The following MED25 variants were observed in gnomAD, a reference collection of about 807,000 sequenced individuals.
The protein encoded by MED25 is mediator complex subunit 25, also known as mediator of RNA polymerase II transcription subunit 25.
A neutral mutation model predicts 89.4 loss-of-function variants in MED25; 62 were observed. That is an observed-to-expected ratio of 0.69 (90% CI 0.57 to 0.86). The LOEUF (loss-of-function observed/expected upper bound fraction) is 0.86, where lower values mean the gene tolerates loss of function less well. MED25 is among the 40% of genes least tolerant of loss of function. The pLI, the probability that MED25 is intolerant of heterozygous loss-of-function variation, is 0.00. For missense variants in MED25, 905 were observed against 1,005.2 expected, an observed-to-expected ratio of 0.90 and a Z score of 1.35; for synonymous variants, 449 against 427.9, an observed-to-expected ratio of 1.05 and a Z score of -0.61.
At chr19:49,822,882 T>C (rs564357203) in intron 3 of MED25, among the ~76,000 whole-genome samples, 2 of 152,028 alleles carry the variant, frequency 1.3e-5, no homozygotes, top group Admixed American at 6.6e-5. Flanking sequence ...CTCCTGACCT[T>C]GTGATCCACC....
chr19:49,828,618 T>C (rs2074031614), intron 4 of MED25, 71 bp downstream of exon 4: 2 of 1,257,118 alleles, frequency 1.6e-6, no homozygotes, highest in Admixed American at 3.4e-5. Flanking sequence ...GCCTGTCGAG[T>C]GGTTCTACCT....
intron 2 of MED25, 134 bp from the exon 3 acceptor site, chr19:49,819,038 G>T (rs1450398529): frequency 8.9e-7 from 1 of 1,124,864 alleles, no homozygotes; most frequent in Non-Finnish European, 1.3e-6. Context: ...GGCCGAGATT[G>T]CTGGGTCTGA....
At chr19:49,826,326 C>T (rs1482324303) in intron 3 of MED25, among the ~76,000 whole-genome samples, 9 of 152,154 alleles carry the variant, frequency 5.9e-5, no homozygotes, top group East Asian at 1.9e-4. Context: ...GGAGACAGAG[C>T]GAGACTCCGT....
chr19:49,832,233 C>T, intron 12 of MED25, 75 bp from the exon 13 acceptor site: 1 of 1,540,032 alleles, frequency 6.5e-7, no homozygotes, highest in Non-Finnish European at 8.9e-7. Context: ...CCCTGCCCCA[C>T]CCCCACTCCC....
chr19:49,823,293 A>G (rs1000974519), intron 3 of MED25, among the ~76,000 whole-genome samples: 2 of 152,208 alleles, frequency 1.3e-5, no homozygotes, highest in African/African-American at 4.8e-5. Flanking sequence ...GGTGTGCAGT[A>G]TAAGCCTATC....
intron 3 of MED25, among the ~76,000 whole-genome samples, chr19:49,823,565 C>A (rs2073997425): frequency 6.6e-6 from 1 of 152,176 alleles, no homozygotes; most frequent in Admixed American, 6.5e-5. Context: ...AGCTAAGTTG[C>A]TTGCTGTGTG....
At chr19:49,839,145 G>A (rs2074118512), downstream of MED25, 1 of 256,172 alleles carries the variant, frequency 3.9e-6, no homozygotes, top group African/African-American at 2.2e-5. Flanking sequence ...TATTTGTGGT[G>A]TTAAGAATCT....
At position 49,818,332 on chromosome 19, in the gene MED25, C is replaced by T. The variant is rs763535840; in HGVS notation, c.-10C>T. On this transcript the variant is annotated 5_prime_UTR_variant, in exon 1 of 18. Transcript: ENST00000312865. ...CGGCTGCAGTGGTGGTGGCGGGTAC[C>T]GCACGGGGTATGGTCCCCGGGTCCG... 3.2e-6 allele frequency: 5 copies of T among 1,573,132 alleles called. No homozygotes were observed. Among genetic ancestry groups the T allele is most frequent in the Non-Finnish European group, 4.3e-6 (5 of 1,158,618 alleles).
Position 49,832,204 on chromosome 19 carries a change from C to T in MED25, c.1374+47C>T, listed in dbSNP as rs2123882640. ...GCCCTGCTGCCGGGCAGTCCTCACCCTGCTGTCTCTTTCCTGTTCCCTGCC... is the reference window on the plus strand; with the variant it reads ...GCCCTGCTGCCGGGCAGTCCTCACCTTGCTGTCTCTTTCCTGTTCCCTGCC... On this transcript the variant is annotated intron_variant, in intron 12 of 17. Transcript: ENST00000312865. The T allele has an allele frequency of 3.1e-6, 5 of 1,599,666 alleles. No homozygotes were observed. The East Asian group carries it at 1.1e-4, about 36-fold the overall frequency.
At position 49,834,072 on chromosome 19, in the gene MED25, AG is replaced by A. The variant is rs1384448532; in HGVS notation, c.1483-909del. ...CTGTGTGCTTTCATGAAGGAGGGGA[AG>A]GGGGCTGTGTGTTTCCCTTTCTTCA... is the stretch of plus-strand genomic sequence containing the variant. On this transcript the variant is annotated intron_variant, in intron 13 of 17. Coordinates refer to ENST00000312865, the MANE Select transcript of MED25 (RefSeq NM_030973.4). This position sits in a 1 kb window ranked among gnomAD's most constrained non-coding sequence, Gnocchi z 4.1. 1.3e-5 allele frequency: 2 copies of A among 152,240 alleles called. No homozygotes were observed. Among genetic ancestry groups the A allele is most frequent in the Admixed American group, 1.3e-4 (2 of 15,274 alleles). 9.4% of individuals were successfully genotyped at this position (152,240 alleles called of 1,614,324 possible).
intron 3 of MED25, among the ~76,000 whole-genome samples, chr19:49,827,668 C>G (rs1243964334): frequency 6.6e-6 from 1 of 152,214 alleles, no homozygotes; most frequent in African/African-American, 2.4e-5. Context: ...AGGTCACCTT[C>G]TGAGGTACTG....
rs1162289386 is a variant in MED25 at position 49,834,646 on chromosome 19, C to T, written c.1483-340C>T. 2.5e-6 allele frequency: 1 copy of T among 398,352 alleles called. No individual in the cohort carries two copies. Among genetic ancestry groups the T allele is most frequent in the South Asian group, 2.2e-5 (1 of 45,544 alleles). The allele number at this position is 398,352 out of a possible 1,614,324, so 24.7% of individuals were successfully genotyped here. Reference sequence around the variant, plus strand: ...CTGTGCATCTAGGCCGCTCTCCCGGCCGTGACCCTCAGCCGCCCTCTGAGG... The same window carrying T: ...CTGTGCATCTAGGCCGCTCTCCCGGTCGTGACCCTCAGCCGCCCTCTGAGG... On this transcript the variant is annotated intron_variant, in intron 13 of 17. Coordinates refer to ENST00000312865, the MANE Select transcript of MED25 (RefSeq NM_030973.4). This position sits in a 1 kb window ranked among gnomAD's most constrained non-coding sequence, Gnocchi z 4.1.
At position 49,836,873 on chromosome 19, in the gene MED25, C is replaced by T. The variant is rs745460056; in HGVS notation, c.2173C>T (p.Arg725Trp). Residue 725 changes from arginine (R) to tryptophan (W), a missense_variant, in exon 18 of 18, where the codon CGG becomes TGG. Transcript: ENST00000312865. This position sits in a 1 kb window ranked among gnomAD's most constrained non-coding sequence, Gnocchi z 5.1. Reference protein sequence around the residue: ...PGQMLLSGGPRGPVPQPGLQP... With the variant: ...PGQMLLSGGPWGPVPQPGLQP... ...TCAGATGCTGCTGAGCGGGGGTCCC[C>T]GGGGCCCGGTCCCCCAGCCGGGCCT... The T allele has an allele frequency of 5.0e-6, 8 of 1,611,762 alleles. No homozygotes were observed. Among genetic ancestry groups the T allele is most frequent in the African/African-American group, 1.3e-5 (1 of 75,042 alleles).
At chr19:49,819,992 A>ATTTTTT (rs34513218) in intron 3 of MED25, 1 of 140,076 alleles carries the variant, frequency 7.1e-6, no homozygotes, top group Non-Finnish European at 1.5e-5. Flanking sequence ...TGCCCAGCTA[A>ATTTTTT]TTTTTTTTTT....
At position 49,836,132 on chromosome 19, in the gene MED25, C is replaced by T. The variant is rs2074096098; in HGVS notation, c.1966-94C>T. 1 of 1,526,530 alleles carries T rather than the reference C, an allele frequency of 6.6e-7. No individual in the cohort carries two copies. Among genetic ancestry groups the T allele is most frequent in the South Asian group, 1.2e-5 (1 of 86,238 alleles). The allele number at this position is 1,526,530 out of a possible 1,614,324, so 94.6% of individuals were successfully genotyped here. A position where few individuals can be genotyped will look rare whatever the true frequency, so the allele number is the denominator to read the frequency against. ...CCACCTTTGAAGAAAAACTTCCCCT[C>T]ACCACTAGCTGATTCCATCTCTGAG... On this transcript the variant is annotated intron_variant, in intron 16 of 17. Transcript: ENST00000312865. This position sits in a 1 kb window ranked among gnomAD's most constrained non-coding sequence, Gnocchi z 5.1.
intron 3 of MED25, among the ~76,000 whole-genome samples, chr19:49,821,457 T>G (rs559105015): frequency 6.6e-6 from 1 of 152,350 alleles, no homozygotes; most frequent in Non-Finnish European, 1.5e-5. Context: ...CCAGCACACC[T>G]GGCTGATTTC....
chr19:49,835,013 G>A lies in MED25; in HGVS notation c.1510G>A (p.Ala504Thr), dbSNP rs1268025889. The A allele has an allele frequency of 6.2e-7, 1 of 1,613,924 alleles. No homozygotes were observed. The highest frequency in any genetic ancestry group is 8.5e-7 in the Non-Finnish European group (1 of 1,180,018). Residue 504 changes from alanine (A) to threonine (T), a missense_variant, in exon 14 of 18, where the codon GCG (alanine) becomes ACG (threonine). By Grantham distance (58) the Ala-to-Thr change is moderately conservative (BLOSUM62 0). This residue lies in a region of MED25 where 133 missense variants were observed against 220.2 expected (regional missense o/e 0.60). Transcript: ENST00000312865. The surrounding 1 kb of genome is among the most constrained non-coding windows in gnomAD (Gnocchi z 6.2). ...FAGCVHFPHT[A>T]PCEVRVLMLL... ...GGGCTGCGTGCACTTCCCCCACACG[G>A]CGCCCTGTGAGGTGCGCGTGCTCAT...
At chr19:49,818,548 C>A in intron 1 of MED25, 23 bp from the exon 2 acceptor site, 1 of 1,614,234 alleles carries the variant, frequency 6.2e-7, no homozygotes, top group Non-Finnish European at 8.5e-7. Context: ...CTGACTCCGA[C>A]CTTTCACTTC....
intron 3 of MED25, among the ~76,000 whole-genome samples, chr19:49,826,032 A>C (rs1446232570): frequency 1.3e-5 from 2 of 151,788 alleles, no homozygotes; most frequent in Non-Finnish European, 2.9e-5. Context: ...CACACAGTTG[A>C]AGTTTCTGCG....
Sources: gnomAD v4.1 joint callset for allele counts (sites outside exome capture counted in the v4.1 genomes callset) on GRCh38, gnomAD v4.1.1 for gene constraint, gnomAD v4.1.1 regional missense constraint, Gnocchi (gnomAD v3.1) non-coding constraint, MANE v1.5 for transcripts, NCBI Gene and HGNC (gene_info 2026-07-23, HGNC 2026-07-21) for gene names.